The following ANKRD11 variants were observed in gnomAD, a reference collection of about 807,000 sequenced individuals.
ANKRD11 encodes ankyrin repeat domain-containing protein 11.
ANKRD11 carries 17 observed loss-of-function variants against 195.7 expected under a neutral mutation model. That is an observed-to-expected ratio of 0.09 (90% CI 0.06 to 0.13). The LOEUF is 0.13. Among genes scored for constraint, ANKRD11 ranks in the 10% least tolerant of loss-of-function variants. The pLI is 1.00. For synonymous variants in ANKRD11, 1,953 were observed against 1,528.1 expected, an observed-to-expected ratio of 1.28 and a Z score of -6.49; for missense variants, 3,735 against 3,566.1, an observed-to-expected ratio of 1.05 and a Z score of -1.21.
At chr16:89,327,238 G>T (rs981298273) in intron 2 of ANKRD11, among the ~76,000 whole-genome samples, 3 of 152,122 alleles carry the variant, frequency 2.0e-5, no homozygotes, top group Non-Finnish European at 4.4e-5. Flanking sequence ...ATCACAACTG[G>T]TACAGAAAAT....
At chr16:89,470,641 C>G (rs547207089) in intron 1 of ANKRD11, among the ~76,000 whole-genome samples, 1 of 152,048 alleles carries the variant, frequency 6.6e-6, no homozygotes, top group African/African-American at 2.4e-5. Flanking sequence ...GTCAGGAGAT[C>G]GAGACCATCC....
intron 4 of ANKRD11, among the ~76,000 whole-genome samples, chr16:89,304,522 A>ACG (rs2036051940): frequency 6.6e-6 from 1 of 150,942 alleles, no homozygotes; most frequent in South Asian, 2.1e-4. Context: ...GCACACATAC[A>ACG]GGCACACACA....
chr16:89,351,743 G>C (rs1470865772), intron 2 of ANKRD11, among the ~76,000 whole-genome samples: 1 of 152,204 alleles, frequency 6.6e-6, no homozygotes, highest in Non-Finnish European at 1.5e-5. Flanking sequence ...AGAGGCTGCA[G>C]GGGGAACAAG....
intron 2 of ANKRD11, among the ~76,000 whole-genome samples, chr16:89,397,624 T>C (rs2041501536): frequency 6.6e-6 from 1 of 152,218 alleles, no homozygotes; most frequent in African/African-American, 2.4e-5. Context: ...GGCTGAGGCA[T>C]AAACTTTCCC....
At chr16:89,352,649 T>G (rs1385389293) in intron 2 of ANKRD11, among the ~76,000 whole-genome samples, 1 of 152,164 alleles carries the variant, frequency 6.6e-6, no homozygotes, top group Non-Finnish European at 1.5e-5. Context: ...TCCGCTCCAC[T>G]CATCAGCACC....
chr16:89,444,495 T>C (rs1287975958), intron 1 of ANKRD11, among the ~76,000 whole-genome samples: 1 of 151,780 alleles, frequency 6.6e-6, no homozygotes, highest in African/African-American at 2.4e-5. Context: ...TTGTGTAGGG[T>C]TTGCCATCAG....
At chr16:89,418,166 G>C in intron 2 of ANKRD11, 118 bp downstream of exon 2, 3 of 412,040 alleles carry the variant, frequency 7.3e-6, no homozygotes, top group South Asian at 5.1e-5. Context: ...ACAACATTTC[G>C]ACAAAACTCT....
chr16:89,358,428 T>C (rs2039585275), intron 2 of ANKRD11, among the ~76,000 whole-genome samples: 1 of 152,236 alleles, frequency 6.6e-6, no homozygotes, highest in Non-Finnish European at 1.5e-5. Flanking sequence ...CCTATATTAC[T>C]GGTACTCAAT....
intron 1 of ANKRD11, among the ~76,000 whole-genome samples, chr16:89,439,802 G>A (rs1402890964): frequency 6.6e-6 from 1 of 152,128 alleles, no homozygotes; most frequent in East Asian, 1.9e-4. Flanking sequence ...GAACTCTGTG[G>A]AACGTTTTCA....
intron 2 of ANKRD11, among the ~76,000 whole-genome samples, chr16:89,335,700 C>T (rs950276217): frequency 6.6e-6 from 1 of 152,238 alleles, no homozygotes; most frequent in African/African-American, 2.4e-5. Context: ...AGCACATGAG[C>T]GCCCAGGGGC....
intron 1 of ANKRD11, among the ~76,000 whole-genome samples, chr16:89,486,916 G>A (rs1383778867): frequency 6.6e-6 from 1 of 151,872 alleles, no homozygotes; most frequent in African/African-American, 2.4e-5. Flanking sequence ...GGCTGAGGCA[G>A]GAGAATTGCT....
At chr16:89,342,127 G>A (rs1187419655) in intron 2 of ANKRD11, among the ~76,000 whole-genome samples, 1 of 151,628 alleles carries the variant, frequency 6.6e-6, no homozygotes, top group Non-Finnish European at 1.5e-5. Context: ...TGGGCACTTG[G>A]TCCCTTCTCT....
At chr16:89,460,776 G>A (rs2056626451) in intron 1 of ANKRD11, among the ~76,000 whole-genome samples, 1 of 152,260 alleles carries the variant, frequency 6.6e-6, no homozygotes, top group South Asian at 2.1e-4. Context: ...CCTGCAGGGG[G>A]TAGTCACAAT....
chr16:89,298,599 G>A (rs989555096), intron 4 of ANKRD11, among the ~76,000 whole-genome samples: 2 of 152,282 alleles, frequency 1.3e-5, no homozygotes, highest in Admixed American at 6.5e-5. Context: ...CCTGAGTCCC[G>A]GGGTCCTCCA....
rs79208527 is a variant in ANKRD11, at chr16:89,328,285, G to C, written c.-59-11207C>G. 1.7e-3 allele frequency among the ~76,000 whole-genome samples: 254 copies of C among 152,298 alleles called. 2 individuals are homozygous for C. Among genetic ancestry groups the C allele is most frequent in the African/African-American group, 5.8e-3 (241 of 41,558 alleles). On this transcript the variant is annotated intron_variant, in intron 2 of 12. Transcript: ENST00000301030. ...GTGTTGCTGCTCTGGAGAACAGCAA[G>C]GCAGCCTTACGAACCTAAGTGTGCG... is the stretch of plus-strand genomic sequence containing the variant.
chr16:89,344,478 G>A (rs753712956), intron 2 of ANKRD11, among the ~76,000 whole-genome samples: 16 of 152,264 alleles, frequency 1.1e-4, no homozygotes, highest in African/African-American at 2.2e-4. Flanking sequence ...TGTCTGAAGC[G>A]AGTGACACAG....
At chr16:89,471,108 T>C (rs912951434) in intron 1 of ANKRD11, among the ~76,000 whole-genome samples, 4 of 152,066 alleles carry the variant, frequency 2.6e-5, no homozygotes, top group African/African-American at 9.7e-5. Context: ...ATCCCAGCAC[T>C]CTGGGAGGCC....
At chr16:89,467,268 CA>C (rs35667614) in intron 1 of ANKRD11, among the ~76,000 whole-genome samples, 139,907 of 146,734 alleles carry the variant, frequency 0.95, 66,688 homozygotes, top group Middle Eastern at 0.99. Flanking sequence ...CCCATCTCTA[CA>C]AAAAAAAAAA....
At chr16:89,371,033 A>G (rs2040169502) in intron 2 of ANKRD11, among the ~76,000 whole-genome samples, 1 of 152,156 alleles carries the variant, frequency 6.6e-6, no homozygotes, top group Non-Finnish European at 1.5e-5. Context: ...GCAATGTTAT[A>G]GCTGCCCCGT....
Sources: allele counts gnomAD v4.1 joint callset (sites outside exome capture counted in the v4.1 genomes callset), GRCh38; gene constraint gnomAD v4.1.1; transcripts MANE v1.5; gene names NCBI Gene and HGNC (gene_info 2026-07-23, HGNC 2026-07-21).